The following TBC1D22B variants were observed in gnomAD, a reference collection of about 807,000 sequenced individuals.
TBC1D22B encodes the protein TBC1 domain family member 22B, also known as chromosome 6 open reading frame 197.
Under a neutral mutation model 69.1 loss-of-function variants are expected in TBC1D22B, and 32 were observed. The ratio of observed to expected loss-of-function variants is 0.46; its 90% CI spans 0.35 to 0.62. The LOEUF is 0.62. Ranked by LOEUF, TBC1D22B falls within the 20% of genes least tolerant of loss-of-function variation. The pLI, the probability that TBC1D22B is intolerant of heterozygous loss-of-function variation, is 0.00. For synonymous variants in TBC1D22B, 206 were observed against 229.8 expected (o/e 0.90, Z 0.94); for missense variants, 462 against 630.9 (o/e 0.73, Z 2.87).
At chr6:37,310,100 TTA>T (rs1160178295) in intron 8 of TBC1D22B, among the ~76,000 whole-genome samples, 1 of 146,668 alleles carries the variant, frequency 6.8e-6, no homozygotes, top group Non-Finnish European at 1.5e-5. Context: ...AAATATAATT[TTA>T]TATATAATTA....
At chr6:37,270,938 G>A (rs753463551) in intron 2 of TBC1D22B, among the ~76,000 whole-genome samples, 26 of 152,104 alleles carry the variant, frequency 1.7e-4, no homozygotes, top group Non-Finnish European at 3.7e-4. Context: ...GTTGCCAAGG[G>A]GTGGGGTTGA....
At chr6:37,306,524 TC>T in intron 8 of TBC1D22B, among the ~76,000 whole-genome samples, 1 of 152,162 alleles carries the variant, frequency 6.6e-6, no homozygotes, top group Non-Finnish European at 1.5e-5. Context: ...TGCCTCCTCT[TC>T]CTTTACTCCA....
At chr6:37,311,048 T>G (rs1767894909) in intron 8 of TBC1D22B, among the ~76,000 whole-genome samples, 2 of 152,214 alleles carry the variant, frequency 1.3e-5, no homozygotes, top group South Asian at 4.1e-4. Flanking sequence ...TTCTCCTTAA[T>G]ATTGTGGCAT....
chr6:37,292,711 C>T (rs1232388388), intron 8 of TBC1D22B, among the ~76,000 whole-genome samples: 1 of 152,132 alleles, frequency 6.6e-6, no homozygotes, highest in Non-Finnish European at 1.5e-5. Flanking sequence ...AGTGTTATGC[C>T]AGTTAAAAAT....
intron 8 of TBC1D22B, among the ~76,000 whole-genome samples, chr6:37,308,635 G>T (rs115991377): frequency 0.011 from 1,660 of 152,290 alleles, 13 homozygotes; most frequent in Middle Eastern, 0.02. Flanking sequence ...TTTGGAGTGG[G>T]TACAGTTACC....
chr6:37,291,081 A>T (rs1211721666), intron 7 of TBC1D22B, among the ~76,000 whole-genome samples, 162 bp from the exon 8 acceptor site: 2 of 152,232 alleles, frequency 1.3e-5, no homozygotes, highest in Non-Finnish European at 2.9e-5. Context: ...TAGTGTATTT[A>T]GAAACTTTTT....
At chr6:37,328,763 T>C (rs1768501578) in intron 12 of TBC1D22B, among the ~76,000 whole-genome samples, 1 of 152,102 alleles carries the variant, frequency 6.6e-6, no homozygotes, top group Non-Finnish European at 1.5e-5. Context: ...ACAGAGTAGC[T>C]TCACCCAGGC....
chr6:37,272,398 G>C (rs1277156527), intron 2 of TBC1D22B, among the ~76,000 whole-genome samples: 1 of 144,340 alleles, frequency 6.9e-6, no homozygotes, highest in Non-Finnish European at 1.5e-5. Context: ...GTCTTGCGCT[G>C]CTGCTCAGGC....
intron 1 of TBC1D22B, among the ~76,000 whole-genome samples, chr6:37,266,024 A>G (rs1766260361): frequency 6.6e-6 from 1 of 152,222 alleles, no homozygotes; most frequent in Admixed American, 6.5e-5. Flanking sequence ...TTTGCTGGGT[A>G]GTGTTCTAAC....
chr6:37,292,177 G>A (rs1368116391), intron 8 of TBC1D22B, among the ~76,000 whole-genome samples: 1 of 152,164 alleles, frequency 6.6e-6, no homozygotes, highest in Non-Finnish European at 1.5e-5. Context: ...GAGATTCTCT[G>A]TCTCCTTATT....
At position 37,299,327 on chromosome 6, in the gene TBC1D22B, TA is replaced by T. The variant is rs974912041; in HGVS notation, c.982+7975del. Among the ~76,000 whole-genome samples the T allele has an allele frequency of 2.2e-4, 33 of 152,282 alleles. No homozygotes were observed. The East Asian group carries it at 6.0e-3, about 28-fold the overall frequency. ...AATTTATCCTTCATCTGCTATGTGTTAAAAATATTAGGTTGAATCATATAAA... is the reference window on the plus strand; with the variant it reads ...AATTTATCCTTCATCTGCTATGTGTTAAAATATTAGGTTGAATCATATAAA... On this transcript the variant is annotated intron_variant, in intron 8 of 12. Coordinates refer to ENST00000373491, the MANE Select transcript of TBC1D22B (RefSeq NM_017772.4).
chr6:37,320,354 A>G (rs1768203668), intron 12 of TBC1D22B, among the ~76,000 whole-genome samples: 1 of 152,200 alleles, frequency 6.6e-6, no homozygotes, highest in Admixed American at 6.5e-5. Flanking sequence ...TTTCTTATCT[A>G]TAAATGGGGC....
intron 12 of TBC1D22B, among the ~76,000 whole-genome samples, chr6:37,326,935 G>C (rs567972182): frequency 6.6e-6 from 1 of 152,314 alleles, no homozygotes; most frequent in African/African-American, 2.4e-5. Context: ...CAGCCCAAGA[G>C]TCTAAGGTAC....
At chr6:37,264,358 G>C (rs922185900) in intron 1 of TBC1D22B, among the ~76,000 whole-genome samples, 16 of 152,166 alleles carry the variant, frequency 1.1e-4, no homozygotes, top group African/African-American at 3.1e-4. Context: ...TGTTGCCCTG[G>C]CTGGAGTGCA....
intron 10 of TBC1D22B, among the ~76,000 whole-genome samples, chr6:37,315,416 G>C (rs530451103): frequency 6.6e-6 from 1 of 152,050 alleles, no homozygotes; most frequent in Non-Finnish European, 1.5e-5. Flanking sequence ...AAGTAGCTGG[G>C]CATGGTGGCA....
intron 6 of TBC1D22B, 54 bp downstream of exon 6, chr6:37,284,518 T>C: frequency 6.6e-7 from 1 of 1,509,886 alleles, no homozygotes; most frequent in Non-Finnish European, 8.8e-7. Flanking sequence ...TTTAGGTATG[T>C]CTCATGGTAG....
At chr6:37,287,682 A>T (rs899069855) in intron 7 of TBC1D22B, among the ~76,000 whole-genome samples, 1 of 152,222 alleles carries the variant, frequency 6.6e-6, no homozygotes, top group African/African-American at 2.4e-5. Flanking sequence ...TTTAAGGTTC[A>T]TCCCTGTTGT....
chr6:37,269,507 C>T, intron 1 of TBC1D22B, 87 bp from the exon 2 acceptor site: 1 of 1,283,000 alleles, frequency 7.8e-7, no homozygotes, highest in South Asian at 1.2e-5. Flanking sequence ...AAAGTCTCAT[C>T]CAATTTTGTG....
chr6:37,263,862 G>A (rs1434378691), intron 1 of TBC1D22B, among the ~76,000 whole-genome samples: 1 of 152,208 alleles, frequency 6.6e-6, no homozygotes, highest in Non-Finnish European at 1.5e-5. Context: ...GGGATTACAG[G>A]CGTGAGCCAC....
Sources: allele counts gnomAD v4.1 joint callset (sites outside exome capture counted in the v4.1 genomes callset), GRCh38; gene constraint gnomAD v4.1.1; transcripts MANE v1.5; gene names NCBI Gene and HGNC (gene_info 2026-07-23, HGNC 2026-07-21).